EYS: variants seen among roughly 807,000 people sequenced by gnomAD.
EYS encodes EGF-like photoreceptor maintenance factor, also known as protein eyes shut homolog.
EYS carries 250 observed loss-of-function variants against 282.1 expected under a neutral mutation model. The ratio of observed to expected loss-of-function variants is 0.89; its 90% CI spans 0.80 to 0.98. The LOEUF is 0.98. EYS is among the 50% of genes least tolerant of loss of function. The probability of loss-of-function intolerance (pLI) is 0.00; values close to 1 mark genes in which losing one functional copy is unlikely to be tolerated. For missense variants in EYS, 4,016 were observed against 3,709.0 expected (o/e 1.08, Z -2.15); for synonymous variants, 1,355 against 1,282.9 (o/e 1.06, Z -1.20).
intron 14 of EYS, among the ~76,000 whole-genome samples, chr6:64,970,007 G>T (rs1272410486): frequency 6.6e-6 from 1 of 152,062 alleles, no homozygotes; most frequent in East Asian, 1.9e-4. Flanking sequence ...ATGTAATACA[G>T]TTGTTCCATG....
At chr6:65,508,268 G>C (rs1323417013) in intron 2 of EYS, among the ~76,000 whole-genome samples, 4 of 152,122 alleles carry the variant, frequency 2.6e-5, no homozygotes. Context: ...CTGTTGGTTT[G>C]ATGGTAACGT....
chr6:64,919,985 C>A (rs767449161), intron 15 of EYS, among the ~76,000 whole-genome samples: 4 of 152,050 alleles, frequency 2.6e-5, no homozygotes, highest in Non-Finnish European at 4.4e-5. Flanking sequence ...TTGAAGAATA[C>A]CCAAAGTTAA....
chr6:64,089,592 T>A (rs1173116921), intron 31 of EYS, among the ~76,000 whole-genome samples: 5 of 151,664 alleles, frequency 3.3e-5, no homozygotes, highest in South Asian at 2.1e-4. Flanking sequence ...ATTTAAAAAA[T>A]TTAGATTTAG....
intron 29 of EYS, among the ~76,000 whole-genome samples, chr6:64,387,862 T>A (rs1489761301): frequency 2.6e-5 from 4 of 152,142 alleles, no homozygotes; most frequent in African/African-American, 9.6e-5. Context: ...TTTTTATGTC[T>A]ATTTTTGTTT....
At chr6:64,023,262 T>A (rs1220719686) in intron 33 of EYS, among the ~76,000 whole-genome samples, 2 of 152,256 alleles carry the variant, frequency 1.3e-5, no homozygotes, top group Admixed American at 1.3e-4. Context: ...TCTCTGTTGA[T>A]CGATACTTCT....
At position 65,016,793 on chromosome 6, in the gene EYS, C is replaced by G. The variant is rs146015108; in HGVS notation, c.2138-19090G>C. Among the ~76,000 whole-genome samples the G allele has an allele frequency of 4.3e-4, 66 of 152,206 alleles. No individual in the cohort carries two copies. In the East Asian group the frequency reaches 0.012, roughly 28 times the overall value. Reference sequence around the variant, plus strand: ...TACCTCAACATATTAAAGATAAGTCCTAATTCTCTTTATATTTTCATAAAA... The same window carrying G: ...TACCTCAACATATTAAAGATAAGTCGTAATTCTCTTTATATTTTCATAAAA... On this transcript the variant is annotated intron_variant, in intron 13 of 42. Coordinates refer to ENST00000503581, the MANE Select transcript of EYS (RefSeq NM_001142800.2).
At chr6:63,742,377 A>G (rs1293430092) in intron 41 of EYS, among the ~76,000 whole-genome samples, 1 of 152,034 alleles carries the variant, frequency 6.6e-6, no homozygotes, top group East Asian at 1.9e-4. Context: ...CACTGGTCTT[A>G]AGTCTTCTGT....
rs543450964 is a variant in EYS at position 64,346,544 on chromosome 6, G to A, written c.6079-39462C>T. Among the ~76,000 whole-genome samples the A allele has an allele frequency of 1.3e-4, 20 of 150,942 alleles. No homozygotes were observed. The South Asian group carries it at 4.2e-3, about 32-fold the overall frequency. On this transcript the variant is annotated intron_variant, in intron 29 of 42. Transcript: ENST00000503581. Reference sequence around the variant, plus strand: ...AGGAAGGGGAACATCACACACCAGGGATTGTTGTGGGGTGGGGGGAGTGGG... The same window carrying A: ...AGGAAGGGGAACATCACACACCAGGAATTGTTGTGGGGTGGGGGGAGTGGG...
chr6:64,327,015 C>T (rs949596057), intron 29 of EYS, among the ~76,000 whole-genome samples: 1 of 151,958 alleles, frequency 6.6e-6, no homozygotes, highest in Non-Finnish European at 1.5e-5. Flanking sequence ...TGGATGGGGC[C>T]CACGAGTCAG....
At position 65,518,325 on chromosome 6, in the gene EYS, A is replaced by C. The variant is rs115106453; in HGVS notation, c.-332-22332T>G. Among the ~76,000 whole-genome samples, 627 of 152,292 alleles carry C rather than the reference A, an allele frequency of 4.1e-3. 7 individuals are homozygous for C. The highest frequency in any genetic ancestry group is 0.014 in the African/African-American group (593 of 41,586). On this transcript the variant is annotated intron_variant, in intron 2 of 42. Coordinates refer to ENST00000503581, the MANE Select transcript of EYS (RefSeq NM_001142800.2). Reference sequence around the variant, plus strand: ...TATAAAAATTATGGTTTTCACCTCCAACTTTCCACCTTCATCTCTTCTCCA... The same window carrying C: ...TATAAAAATTATGGTTTTCACCTCCCACTTTCCACCTTCATCTCTTCTCCA...
At chr6:64,393,858 G>A (rs1400790716) in intron 28 of EYS, among the ~76,000 whole-genome samples, 1 of 150,694 alleles carries the variant, frequency 6.6e-6, no homozygotes, top group Non-Finnish European at 1.5e-5. Context: ...GTTTGCAGAC[G>A]ACATGATTGT....
At chr6:64,584,127 A>T (rs934819480) in intron 26 of EYS, among the ~76,000 whole-genome samples, 2 of 152,034 alleles carry the variant, frequency 1.3e-5, no homozygotes, top group African/African-American at 4.8e-5. Flanking sequence ...TTAATATCTC[A>T]ATAAAACACA....
intron 1 of EYS, among the ~76,000 whole-genome samples, chr6:65,658,064 C>G (rs1181286656): frequency 6.6e-6 from 1 of 151,750 alleles, no homozygotes; most frequent in Non-Finnish European, 1.5e-5. Flanking sequence ...TTATTGCACA[C>G]TTAATAGATT....
At chr6:65,231,599 A>C (rs2150268492) in intron 12 of EYS, among the ~76,000 whole-genome samples, 1 of 152,000 alleles carries the variant, frequency 6.6e-6, no homozygotes, top group African/African-American at 2.4e-5. Flanking sequence ...TGAACAGCAA[A>C]GGATAAATGT....
chr6:64,827,964 G>A (rs540926631), intron 19 of EYS, among the ~76,000 whole-genome samples: 35 of 151,876 alleles, frequency 2.3e-4, no homozygotes, highest in Admixed American at 4.6e-4. Context: ...AATTATCAGA[G>A]AAGGAATTTA....
intron 40 of EYS, among the ~76,000 whole-genome samples, chr6:63,774,325 C>T (rs1180882504): frequency 2.0e-5 from 3 of 152,008 alleles, no homozygotes; most frequent in Non-Finnish European, 2.9e-5. Context: ...CCCACCACCA[C>T]ACTGGCTAAT....
intron 32 of EYS, among the ~76,000 whole-genome samples, chr6:64,080,556 T>C (rs1161785667): frequency 6.6e-6 from 1 of 152,204 alleles, no homozygotes; most frequent in Non-Finnish European, 1.5e-5. Context: ...AGCTCTTTAG[T>C]TTAATTACAT....
chr6:64,327,204 G>C lies in EYS; in HGVS notation c.6079-20122C>G, dbSNP rs144131685. The stretch of plus-strand genomic sequence containing the variant: ...ACACTGTATACAGCCCATAGGACCA[G>C]CTCCACAGCTGCAGCTAGCTGTGAC... On this transcript the variant is annotated intron_variant, in intron 29 of 42. Coordinates refer to ENST00000503581, the MANE Select transcript of EYS (RefSeq NM_001142800.2). Among the ~76,000 whole-genome samples, 448 of 152,194 alleles carry C rather than the reference G, an allele frequency of 2.9e-3. 3 individuals carry two copies. Among genetic ancestry groups the C allele is most frequent in the African/African-American group, 0.01 (419 of 41,546 alleles).
intron 41 of EYS, among the ~76,000 whole-genome samples, chr6:63,760,648 ATATCTATCTATC>A (rs36182718): frequency 0.19 from 27,032 of 145,840 alleles, 2,668 homozygotes; most frequent in South Asian, 0.25. Context: ...GTATGTATGT[ATATCTATCTATC>A]TATCTATCTA....
Sources: allele counts gnomAD v4.1 joint callset (sites outside exome capture counted in the v4.1 genomes callset), GRCh38; gene constraint gnomAD v4.1.1; transcripts MANE v1.5; gene names NCBI Gene and HGNC (gene_info 2026-07-23, HGNC 2026-07-21).